Variants in PRKG1 observed in about 807,000 individuals in gnomAD.
PRKG1 encodes cGMP-dependent protein kinase 1.
Under a neutral mutation model 88.1 loss-of-function variants are expected in PRKG1, and 35 were observed. The ratio of observed to expected loss-of-function variants is 0.40; its 90% confidence interval spans 0.30 to 0.53. The LOEUF (loss-of-function observed/expected upper bound fraction) is 0.53. PRKG1 is among the 20% of genes least tolerant of loss of function. The pLI, the probability that PRKG1 is intolerant of heterozygous loss-of-function variation, is 0.59. For synonymous variants in PRKG1, 303 were observed against 292.5 expected (o/e 1.04, Z -0.37); for missense variants, 540 against 839.8 (o/e 0.64, Z 4.41).
chr10:51,267,271 A>T (rs10761984), intron 2 of PRKG1, among the ~76,000 whole-genome samples: 24,882 of 152,164 alleles, frequency 0.16, 2,191 homozygotes, highest in Non-Finnish European at 0.2. Flanking sequence ...ACTTTGGTGT[A>T]TATGCCTCCC....
At position 51,636,731 on chromosome 10, in the gene PRKG1, A is replaced by C. The variant is rs114289228; in HGVS notation, c.593-167854A>C. On this transcript the variant is annotated intron_variant, in intron 3 of 17. Transcript: ENST00000373980. ...CAGAACGTAAAGATCTATTTGGCTCATTCCTGGCTGATTCAGCTTATGGCT... is the reference window on the plus strand; with the variant it reads ...CAGAACGTAAAGATCTATTTGGCTCCTTCCTGGCTGATTCAGCTTATGGCT... 4.8e-3 allele frequency among the ~76,000 whole-genome samples: 727 copies of C among 152,314 alleles called. 3 individuals are homozygous for C. The highest frequency in any genetic ancestry group is 0.017 in the African/African-American group (691 of 41,568).
At chr10:52,189,463 A>G (rs1839307980) in intron 9 of PRKG1, among the ~76,000 whole-genome samples, 1 of 152,154 alleles carries the variant, frequency 6.6e-6, no homozygotes, top group Non-Finnish European at 1.5e-5. Flanking sequence ...ACAAGCGAGC[A>G]TTACTACCTG....
intron 10 of PRKG1, among the ~76,000 whole-genome samples, chr10:52,265,521 A>T (rs575649063): frequency 6.6e-6 from 1 of 152,242 alleles, no homozygotes; most frequent in African/African-American, 2.4e-5. Context: ...TCTAAGGATC[A>T]ACTCACAGCC....
chr10:51,203,155 T>C (rs9414866), intron 2 of PRKG1, among the ~76,000 whole-genome samples: 2,319 of 152,246 alleles, frequency 0.015, 46 homozygotes, highest in African/African-American at 0.053. Flanking sequence ...TGGTCACTTA[T>C]TAATGCCTTC....
At chr10:52,125,010 G>T (rs564429678) in intron 7 of PRKG1, among the ~76,000 whole-genome samples, 1 of 152,124 alleles carries the variant, frequency 6.6e-6, no homozygotes, top group South Asian at 2.1e-4. Flanking sequence ...CTAGCCTGAG[G>T]CTCTTTTATA....
chr10:51,884,308 G>A (rs1437091667), intron 4 of PRKG1, among the ~76,000 whole-genome samples: 3 of 148,612 alleles, frequency 2.0e-5, no homozygotes, highest in Admixed American at 1.3e-4. Context: ...AGCCAGGCGT[G>A]GTGGCGCGCG....
At chr10:51,059,693 T>G (rs1644392995) in intron 1 of PRKG1, among the ~76,000 whole-genome samples, 1 of 152,220 alleles carries the variant, frequency 6.6e-6, no homozygotes, top group South Asian at 2.1e-4. Flanking sequence ...CACCATGATT[T>G]TAGTCTTCTG....
At chr10:51,822,519 CAT>C (rs1839775807) in intron 4 of PRKG1, among the ~76,000 whole-genome samples, 1 of 152,072 alleles carries the variant, frequency 6.6e-6, no homozygotes, top group African/African-American at 2.4e-5. Flanking sequence ...CTGTCAGCCA[CAT>C]AGATTGTCTT....
chr10:51,280,089 C>A (rs572255427), intron 2 of PRKG1, among the ~76,000 whole-genome samples: 6 of 152,154 alleles, frequency 3.9e-5, no homozygotes, highest in Admixed American at 6.5e-5. Flanking sequence ...AATCTCTCAG[C>A]ATTTGCTTGT....
At chr10:51,340,158 A>G (rs1407932421) in intron 2 of PRKG1, among the ~76,000 whole-genome samples, 2 of 152,254 alleles carry the variant, frequency 1.3e-5, no homozygotes, top group East Asian at 3.9e-4. Context: ...CTTTTGTAGC[A>G]TTAGCCTTCA....
At chr10:51,124,565 G>A (rs897018107) in intron 1 of PRKG1, among the ~76,000 whole-genome samples, 6 of 152,120 alleles carry the variant, frequency 3.9e-5, no homozygotes, top group African/African-American at 1.4e-4. Context: ...GAATGCTGAA[G>A]GTTTTGTTCT....
chr10:51,298,402 A>T (rs1415779232), intron 2 of PRKG1, among the ~76,000 whole-genome samples: 2 of 152,314 alleles, frequency 1.3e-5, no homozygotes, highest in East Asian at 3.9e-4. Flanking sequence ...CCAATTACTG[A>T]TTACATGAAC....
At chr10:51,176,314 C>G (rs1397686768) in intron 2 of PRKG1, among the ~76,000 whole-genome samples, 1 of 152,066 alleles carries the variant, frequency 6.6e-6, no homozygotes, top group Non-Finnish European at 1.5e-5. Flanking sequence ...AAACCCTGTT[C>G]TCTTTGATGC....
intron 3 of PRKG1, among the ~76,000 whole-genome samples, chr10:51,640,464 G>A (rs1345108156): frequency 6.6e-6 from 1 of 152,170 alleles, no homozygotes; most frequent in Non-Finnish European, 1.5e-5. Flanking sequence ...CAAGAATAAT[G>A]TTAATTGACT....
chr10:51,250,933 C>T (rs1347085225), intron 2 of PRKG1, among the ~76,000 whole-genome samples: 1 of 151,662 alleles, frequency 6.6e-6, no homozygotes, highest in Non-Finnish European at 1.5e-5. Flanking sequence ...AGCTGAGGTG[C>T]TGGGAGAATA....
chr10:52,215,262 T>C (rs1040484230), intron 9 of PRKG1, among the ~76,000 whole-genome samples: 1 of 151,646 alleles, frequency 6.6e-6, no homozygotes, highest in African/African-American at 2.4e-5. Context: ...GGCATGGTGG[T>C]GGGCACCTGT....
At chr10:51,971,920 G>A (rs1843722310) in intron 5 of PRKG1, among the ~76,000 whole-genome samples, 1 of 152,102 alleles carries the variant, frequency 6.6e-6, no homozygotes, top group African/African-American at 2.4e-5. Context: ...AGGCATCCAG[G>A]AATCCACTAT....
chr10:51,257,016 A>G (rs1252471303), intron 2 of PRKG1, among the ~76,000 whole-genome samples: 1 of 152,192 alleles, frequency 6.6e-6, no homozygotes, highest in African/African-American at 2.4e-5. Context: ...AATTCACATG[A>G]AGAGAAGAAA....
At chr10:51,653,496 T>C (rs771452122) in intron 3 of PRKG1, among the ~76,000 whole-genome samples, 3 of 152,158 alleles carry the variant, frequency 2.0e-5, no homozygotes, top group Non-Finnish European at 4.4e-5. Flanking sequence ...CTATTGGCCA[T>C]TTATATGTCT....
Sources: gnomAD v4.1 joint callset for allele counts (sites outside exome capture counted in the v4.1 genomes callset) on GRCh38, gnomAD v4.1.1 for gene constraint, MANE v1.5 for transcripts, NCBI Gene and HGNC (gene_info 2026-07-23, HGNC 2026-07-21) for gene names.